Variants in EHBP1 observed in about 807,000 individuals in gnomAD.
EHBP1 encodes the protein EH domain binding protein 1, also known as EH domain-binding protein 1.
A neutral mutation model predicts 144.0 loss-of-function variants in EHBP1; 55 were observed. That is an observed-to-expected ratio of 0.38 (90% confidence interval 0.31 to 0.48). The LOEUF (loss-of-function observed/expected upper bound fraction) is 0.48, where lower values mean the gene tolerates loss of function less well. EHBP1 is among the 20% of genes least tolerant of loss of function. The probability of loss-of-function intolerance (pLI) is 0.98; values close to 1 mark genes in which losing one functional copy is unlikely to be tolerated. For synonymous variants in EHBP1, 469 were observed against 472.7 expected (o/e 0.99, Z 0.10); for missense variants, 1,200 against 1,364.2 (o/e 0.88, Z 1.90).
At chr2:62,998,162 A>G (rs1278323764) in intron 19 of EHBP1, among the ~76,000 whole-genome samples, 1 of 152,186 alleles carries the variant, frequency 6.6e-6, no homozygotes, top group Non-Finnish European at 1.5e-5. Context: ...AATTCAGGCT[A>G]CCAGAGCCCT....
upstream of EHBP1, among the ~76,000 whole-genome samples, chr2:62,702,036 A>T (rs2034294082): frequency 6.6e-6 from 1 of 152,200 alleles, no homozygotes; most frequent in Admixed American, 6.5e-5. Context: ...TATCACCAGG[A>T]AAGATAATAG....
chr2:62,979,784 T>C (rs755298410), intron 15 of EHBP1, among the ~76,000 whole-genome samples: 2 of 152,226 alleles, frequency 1.3e-5, no homozygotes. Context: ...GAGAAGTTTA[T>C]ATAAGTCCCA....
chr2:62,875,831 A>G (rs529373622), intron 10 of EHBP1, among the ~76,000 whole-genome samples: 16 of 152,362 alleles, frequency 1.1e-4, no homozygotes, highest in Admixed American at 9.1e-4. Context: ...GAAGGATTTC[A>G]TAATACAATG....
At chr2:63,031,721 C>T (rs1382912594) in intron 19 of EHBP1, among the ~76,000 whole-genome samples, 1 of 152,192 alleles carries the variant, frequency 6.6e-6, no homozygotes, top group East Asian at 1.9e-4. Context: ...TTGAAGCCAG[C>T]AGTGTGAGAC....
intron 6 of EHBP1, among the ~76,000 whole-genome samples, chr2:62,828,613 CA>C (rs2046522177): frequency 6.6e-6 from 1 of 152,042 alleles, no homozygotes; most frequent in Non-Finnish European, 1.5e-5. Flanking sequence ...TATACTTAAG[CA>C]AGATTTAAGT....
chr2:62,782,496 G>A (rs2042506453), intron 5 of EHBP1, among the ~76,000 whole-genome samples: 2 of 152,222 alleles, frequency 1.3e-5, no homozygotes, highest in South Asian at 4.2e-4. Flanking sequence ...CTGAGACTGG[G>A]TAATTTATAA....
chr2:62,830,909 A>G (rs1239199656), intron 6 of EHBP1, 110 bp from the exon 7 acceptor site: 6 of 1,111,550 alleles, frequency 5.4e-6, no homozygotes, highest in Non-Finnish European at 7.6e-6. Flanking sequence ...GATAAGAAAG[A>G]CTTATTGACA....
intron 12 of EHBP1, among the ~76,000 whole-genome samples, chr2:62,946,884 C>G (rs1322605481): frequency 6.6e-6 from 1 of 151,986 alleles, no homozygotes; most frequent in Admixed American, 6.6e-5. Flanking sequence ...GGAGTTTCCC[C>G]ACAAGGAAGC....
chr2:62,967,251 TA>T (rs1160254212), intron 14 of EHBP1, among the ~76,000 whole-genome samples: 1 of 152,210 alleles, frequency 6.6e-6, no homozygotes, highest in African/African-American at 2.4e-5. Context: ...CCTGTTCTGC[TA>T]CTTACTTGCA....
chr2:62,861,984 A>G (rs2049591842), intron 8 of EHBP1, among the ~76,000 whole-genome samples: 1 of 152,162 alleles, frequency 6.6e-6, no homozygotes, highest in Admixed American at 6.5e-5. Flanking sequence ...TGTTAATACA[A>G]AATTGGATAG....
intron 3 of EHBP1, among the ~76,000 whole-genome samples, chr2:62,750,197 C>G (rs1241147129): frequency 6.6e-6 from 1 of 152,176 alleles, no homozygotes; most frequent in Non-Finnish European, 1.5e-5. Context: ...CAGCTTTCTA[C>G]CTATGGCTAG....
intron 2 of EHBP1, among the ~76,000 whole-genome samples, chr2:62,722,860 G>C (rs1168793470): frequency 2.6e-5 from 4 of 152,176 alleles, no homozygotes; most frequent in Admixed American, 1.3e-4. Flanking sequence ...ATTGTGCTGT[G>C]GTTCAAGAGA....
intron 1 of EHBP1, among the ~76,000 whole-genome samples, chr2:62,677,622 C>T (rs1364195475): frequency 6.6e-6 from 1 of 152,044 alleles, no homozygotes; most frequent in Non-Finnish European, 1.5e-5. Context: ...TAACCATCCC[C>T]ACTTCCCCCC....
intron 9 of EHBP1, among the ~76,000 whole-genome samples, chr2:62,867,400 A>C (rs996716606): frequency 1.1e-4 from 16 of 152,310 alleles, no homozygotes; most frequent in African/African-American, 3.8e-4. Context: ...AGGCTACAAT[A>C]TTAATATATA....
At chr2:62,709,368 G>C (rs2034910342) in intron 2 of EHBP1, among the ~76,000 whole-genome samples, 1 of 152,070 alleles carries the variant, frequency 6.6e-6, no homozygotes, top group African/African-American at 2.4e-5. Context: ...CGTGATTATA[G>C]GTGTTTCTTA....
intron 10 of EHBP1, among the ~76,000 whole-genome samples, chr2:62,927,950 GA>G (rs1415035562): frequency 1.3e-5 from 2 of 151,630 alleles, no homozygotes; most frequent in South Asian, 2.1e-4. Context: ...ATGGAAAACT[GA>G]AAAAAAATCA....
chr2:62,959,725 G>C (rs2057903088), intron 14 of EHBP1, among the ~76,000 whole-genome samples: 1 of 152,012 alleles, frequency 6.6e-6, no homozygotes, highest in Non-Finnish European at 1.5e-5. Context: ...TTTTTAATCG[G>C]GTTAACAGTT....
chr2:62,739,447 A>C (rs2152093119), intron 2 of EHBP1, among the ~76,000 whole-genome samples: 1 of 151,802 alleles, frequency 6.6e-6, no homozygotes, highest in African/African-American at 2.4e-5. Flanking sequence ...ACCTGGGCAT[A>C]CAAATATTTG....
chr2:62,832,765 C>T (rs2046924433), intron 7 of EHBP1, among the ~76,000 whole-genome samples: 1 of 152,092 alleles, frequency 6.6e-6, no homozygotes, highest in Admixed American at 6.6e-5. Context: ...TGGCTCTGTT[C>T]CTCTCCTTGG....
Sources: gnomAD v4.1 joint callset for allele counts (sites outside exome capture counted in the v4.1 genomes callset) on GRCh38, gnomAD v4.1.1 for gene constraint, MANE v1.5 for transcripts, NCBI Gene and HGNC (gene_info 2026-07-23, HGNC 2026-07-21) for gene names.